UAP1: variants seen among roughly 807,000 people sequenced by gnomAD.
UAP1 encodes UDP-N-acetylhexosamine pyrophosphorylase.
In UAP1, 25 loss-of-function variants were observed where a neutral mutation model predicts 58.5. The ratio of observed to expected loss-of-function variants is 0.43; its 90% CI spans 0.31 to 0.60. The LOEUF (loss-of-function observed/expected upper bound fraction) is 0.60. Among genes scored for constraint, UAP1 ranks in the 20% least tolerant of loss-of-function variants. The probability of loss-of-function intolerance (pLI) is 0.11; values close to 1 mark genes in which losing one functional copy is unlikely to be tolerated. For synonymous variants in UAP1, 208 were observed against 213.0 expected (o/e 0.98, Z 0.21); for missense variants, 575 against 630.0 (o/e 0.91, Z 0.93).
chr1:162,581,851 C>T (rs1654607118), intron 5 of UAP1, among the ~76,000 whole-genome samples: 1 of 152,154 alleles, frequency 6.6e-6, no homozygotes, highest in Admixed American at 6.6e-5. Flanking sequence ...CTTCCTAAGT[C>T]AGGTGACAAG....
At chr1:162,600,932 C>T (rs1460988170), downstream of UAP1, among the ~76,000 whole-genome samples, 1 of 152,026 alleles carries the variant, frequency 6.6e-6, no homozygotes, top group Admixed American at 6.6e-5. Flanking sequence ...TTTCTTGAAC[C>T]TTGCTATTTC....
chr1:162,589,204 TTTAAA>T (rs1249400774), intron 7 of UAP1, among the ~76,000 whole-genome samples: 44 of 43,246 alleles, frequency 1.0e-3, no homozygotes, highest in South Asian at 2.0e-3. Context: ...ATATATTATA[TTTAAA>T]TATATATAAT....
intron 2 of UAP1, among the ~76,000 whole-genome samples, chr1:162,576,308 A>T (rs752251175): frequency 6.6e-6 from 1 of 151,418 alleles, no homozygotes; most frequent in Non-Finnish European, 1.5e-5. Context: ...CTTTTTTTTG[A>T]CTTGCCACAT....
rs538212512 is a variant in UAP1 at position 162,580,357 on chromosome 1, G to A, written c.661+754G>A. 6.6e-5 allele frequency among the ~76,000 whole-genome samples: 10 copies of A among 152,328 alleles called. 1 individual carries two copies. The South Asian group carries it at 2.1e-3, about 32-fold the overall frequency. On this transcript the variant is annotated intron_variant, in intron 4 of 10. Transcript: ENST00000271469. Reference sequence around the variant, plus strand: ...AACATTATTTCAGCAAGTTAAGTAAGAGAATGCAAAATGAAAAACTGCATA... The same window carrying A: ...AACATTATTTCAGCAAGTTAAGTAAAAGAATGCAAAATGAAAAACTGCATA...
intron 2 of UAP1, among the ~76,000 whole-genome samples, chr1:162,571,880 C>A (rs1210716795): frequency 6.6e-6 from 1 of 152,250 alleles, no homozygotes; most frequent in Non-Finnish European, 1.5e-5. Flanking sequence ...CAATTTGATA[C>A]TGTGAACAAT....
chr1:162,577,434 C>CTTTTTTTTTT (rs1557970274), intron 3 of UAP1, among the ~76,000 whole-genome samples: 31 of 138,224 alleles, frequency 2.2e-4, no homozygotes, highest in African/African-American at 8.3e-4. Flanking sequence ...TAGTTCCTTC[C>CTTTTTTTTTT]CTTTTTTTTT....
At chr1:162,562,927 T>C (rs1308915616) in intron 1 of UAP1, among the ~76,000 whole-genome samples, 1 of 152,238 alleles carries the variant, frequency 6.6e-6, no homozygotes, top group Admixed American at 6.5e-5. Flanking sequence ...AAATACTGGA[T>C]TTCTTTAATA....
intron 2 of UAP1, among the ~76,000 whole-genome samples, chr1:162,574,542 C>T (rs951053314): frequency 1.1e-4 from 16 of 152,352 alleles, no homozygotes; most frequent in South Asian, 2.1e-4. Context: ...TCACTGACTG[C>T]GTCGTCTGGC....
intron 6 of UAP1, 84 bp from the exon 7 acceptor site, chr1:162,588,609 A>T: frequency 7.0e-7 from 1 of 1,429,098 alleles, no homozygotes; most frequent in Middle Eastern, 2.5e-4. Context: ...TTGGTTGTTG[A>T]CACATTTGCT....
At chr1:162,575,757 G>T (rs545901194) in intron 2 of UAP1, among the ~76,000 whole-genome samples, 432 of 151,584 alleles carry the variant, frequency 2.8e-3, no homozygotes, top group African/African-American at 9.7e-3. Flanking sequence ...CTGGAGTGCA[G>T]TGGCGCGATC....
At chr1:162,599,215 C>A in intron 10 of UAP1, 56 bp from the exon 11 acceptor site, 1 of 1,158,138 alleles carries the variant, frequency 8.6e-7, no homozygotes, top group Non-Finnish European at 1.3e-6. Context: ...GCAAGTCCAG[C>A]ACTGCATGAC....
chr1:162,599,231 C>T (rs1310016491), intron 10 of UAP1, 40 bp from the exon 11 acceptor site: 1 of 1,472,988 alleles, frequency 6.8e-7, no homozygotes, highest in Non-Finnish European at 9.5e-7. Context: ...ATGACAAGTG[C>T]AAATTTTCTA....
At chr1:162,577,103 T>C in intron 3 of UAP1, 122 bp downstream of exon 3, 1 of 915,250 alleles carries the variant, frequency 1.1e-6, no homozygotes, top group Non-Finnish European at 1.6e-6. Context: ...TCTTGGGAGG[T>C]ATAATTTACT....
In UAP1 at chr1:162,597,809, A is replaced by ATG. The variant is rs1457634674; in HGVS notation, c.1429_1430dup (p.Pro478TyrfsTer18). 6.2e-7 allele frequency: 1 copy of ATG among 1,613,226 alleles called. No individual in the cohort carries two copies. Among genetic ancestry groups the ATG allele is most frequent in the Non-Finnish European group, 8.5e-7 (1 of 1,179,718 alleles). ...TTTCTTAGCTTGAAGGATGCCAATGATGTACCAATCCAATGTGAAATCTCT... is the reference window on the plus strand; with the variant it reads ...TTTCTTAGCTTGAAGGATGCCAATGATGTGTACCAATCCAATGTGAAATCTCT... On this transcript the variant is annotated frameshift_variant, in exon 10 of 11. Coordinates refer to ENST00000271469, the Ensembl canonical transcript of UAP1. LOFTEE classifies it high-confidence loss of function.
At chr1:162,580,353 G>A (rs1654507118) in intron 4 of UAP1, among the ~76,000 whole-genome samples, 1 of 152,218 alleles carries the variant, frequency 6.6e-6, no homozygotes, top group African/African-American at 2.4e-5. Context: ...AGCAAGTTAA[G>A]TAAGAGAATG....
intron 7 of UAP1, 137 bp from the exon 8 acceptor site, chr1:162,590,186 G>C: frequency 1.5e-6 from 1 of 652,370 alleles, no homozygotes. Context: ...TAGTCCAAGG[G>C]TGAGCAATAT....
At chr1:162,574,750 C>T (rs886066181) in intron 2 of UAP1, among the ~76,000 whole-genome samples, 1 of 152,004 alleles carries the variant, frequency 6.6e-6, no homozygotes, top group East Asian at 1.9e-4. Flanking sequence ...TGAGACTGTC[C>T]ACTTTTGAAT....
intron 5 of UAP1, among the ~76,000 whole-genome samples, chr1:162,586,233 T>C (rs945093665): frequency 2.6e-5 from 4 of 152,244 alleles, no homozygotes; most frequent in African/African-American, 9.6e-5. Flanking sequence ...CTACTTAGGA[T>C]AGACTTGTCA....
At chr1:162,590,062 G>A (rs1010403026) in intron 7 of UAP1, among the ~76,000 whole-genome samples, 1 of 145,122 alleles carries the variant, frequency 6.9e-6, no homozygotes, top group Non-Finnish European at 1.5e-5. Flanking sequence ...AGATACTAAT[G>A]TGATCTTTGT....
Sources: gnomAD v4.1 joint callset for allele counts (sites outside exome capture counted in the v4.1 genomes callset) on GRCh38, gnomAD v4.1.1 for gene constraint, MANE v1.5 for transcripts, NCBI Gene and HGNC (gene_info 2026-07-23, HGNC 2026-07-21) for gene names.